The following SPATA22 variants were observed in gnomAD, a reference collection of about 807,000 sequenced individuals.
SPATA22 encodes the protein spermatogenesis-associated protein 22.
A neutral mutation model predicts 47.8 loss-of-function variants in SPATA22; 29 were observed. That is an observed-to-expected ratio of 0.61 (90% CI 0.45 to 0.83). The LOEUF is 0.83. Ranked by LOEUF, SPATA22 falls within the 40% of genes least tolerant of loss-of-function variation. The pLI is 0.00. For missense variants in SPATA22, 410 were observed against 421.7 expected (o/e 0.97, Z 0.24); for synonymous variants, 133 against 140.9 (o/e 0.94, Z 0.40).
upstream of SPATA22, chr17:3,476,046 A>G (rs534332079): frequency 6.2e-6 from 6 of 972,702 alleles, no homozygotes; most frequent in Admixed American, 1.2e-4. Flanking sequence ...GGAATTCTGT[A>G]CTTTGCCCTT....
At position 3,486,066 on chromosome 17, in the gene SPATA22, G is replaced by A. The variant is rs12602137; in HGVS notation, c.-73-16668C>T. Reference sequence around the variant, plus strand: ...TCCTGCCTCAGCCTCCTGAGTAGCTGGGATTACAGGTGCCCACCACCATAC... The same window carrying A: ...TCCTGCCTCAGCCTCCTGAGTAGCTAGGATTACAGGTGCCCACCACCATAC... On this transcript the variant is annotated intron_variant, in intron 1 of 8. Coordinates refer to the SPATA22 transcript ENST00000541913. Among the ~76,000 whole-genome samples the A allele has an allele frequency of 3.9e-5, 6 of 151,990 alleles. No individual in the cohort carries two copies. The East Asian group carries it at 1.2e-3, about 30-fold the overall frequency.
Position 3,494,470 on chromosome 17 carries a change from T to C in SPATA22, c.-74+18942A>G, listed in dbSNP as rs1260456020. On this transcript the variant is annotated intron_variant, in intron 1 of 8. Coordinates refer to the SPATA22 transcript ENST00000541913. ...CATCCTAATCTGCAGGTAACATTTGTTCTTTCTTTAAAATGTTGAAAATAA... is the reference window on the plus strand; with the variant it reads ...CATCCTAATCTGCAGGTAACATTTGCTCTTTCTTTAAAATGTTGAAAATAA... 76 of 1,579,626 alleles carry C rather than the reference T, an allele frequency of 4.8e-5. No homozygotes were observed. Among genetic ancestry groups the C allele is most frequent in the Non-Finnish European group, 6.4e-5 (74 of 1,148,686 alleles).
At chr17:3,445,675 C>T (rs369420763) in intron 7 of SPATA22, among the ~76,000 whole-genome samples, 7 of 152,102 alleles carry the variant, frequency 4.6e-5, no homozygotes, top group African/African-American at 1.7e-4. Flanking sequence ...AATCCAATGT[C>T]ACTTTATATA....
chr17:3,453,483 T>C (rs2072910831), intron 5 of SPATA22, among the ~76,000 whole-genome samples: 1 of 152,072 alleles, frequency 6.6e-6, no homozygotes, highest in South Asian at 2.1e-4. Flanking sequence ...AAAATAAGTA[T>C]AGAAGGAACA....
At chr17:3,487,924 C>A (rs1276722780) in intron 1 of SPATA22, among the ~76,000 whole-genome samples, 3 of 152,184 alleles carry the variant, frequency 2.0e-5, no homozygotes, top group Non-Finnish European at 4.4e-5. Flanking sequence ...TTGTGTAAGT[C>A]ATTTATGCAC....
rs1188346322 is a variant in SPATA22, at chr17:3,485,881, G to A, written c.-73-16483C>T. Among the ~76,000 whole-genome samples the A allele has an allele frequency of 4.0e-5, 6 of 151,662 alleles. No individual in the cohort carries two copies. The highest frequency in any genetic ancestry group is 1.5e-4 in the African/African-American group (6 of 41,308). ...GCTCCAGTTCCCACAGGGTGACATA[G>A]AGAGAGCCAGATGGCAGCTATCCAT... is the stretch of plus-strand genomic sequence containing the variant. On this transcript the variant is annotated intron_variant, in intron 1 of 8. Transcript: ENST00000541913. The surrounding 1 kb of genome is among the most constrained non-coding windows in gnomAD (Gnocchi z 4.4).
Position 3,467,554 on chromosome 17 carries a change from C to A in SPATA22, c.44G>T (p.Gly15Val). 6.2e-7 allele frequency: 1 copy of A among 1,600,538 alleles called. No individual in the cohort carries two copies. The highest frequency in any genetic ancestry group is 8.5e-7 in the Non-Finnish European group (1 of 1,174,182). ...ATTGAACAACGGAACAGGCAAACAG[C>A]CTAAATTGAATGTACCAATAAATTA... Reference protein sequence around the residue: ...LNENSARSTAGCLPVPLFNQK... With the variant: ...LNENSARSTAVCLPVPLFNQK... Residue 15 changes from glycine (G) to valine (V), a missense_variant and splice_region_variant, in exon 3 of 9, where the codon GGC becomes GTC. Gly to Val is a moderately radical substitution (Grantham distance 109). Transcript: ENST00000572969.
At position 3,485,027 on chromosome 17, in the gene SPATA22, GT is replaced by G. The variant is rs370054108; in HGVS notation, c.-73-15630del. On this transcript the variant is annotated intron_variant, in intron 1 of 8. Transcript: ENST00000541913. The surrounding 1 kb of genome is among the most constrained non-coding windows in gnomAD (Gnocchi z 4.4). ...ATCATTCACAGTAGGGTTTTGTTTT[GT>G]TTTTTTTCTGGAAAAGGGTCTCACT... Among the ~76,000 whole-genome samples the G allele has an allele frequency of 6.2e-4, 94 of 151,426 alleles. No individual in the cohort carries two copies. The highest frequency in any genetic ancestry group is 2.1e-3 in the African/African-American group (87 of 41,254).
chr17:3,493,548 G>A lies in SPATA22; in HGVS notation c.-74+19864C>T, dbSNP rs572164614. Among the ~76,000 whole-genome samples, 71 of 114,602 alleles carry A rather than the reference G, an allele frequency of 6.2e-4. 2 individuals are homozygous for A. In the South Asian group the frequency reaches 0.013, roughly 21 times the overall value. 75.2% of individuals were successfully genotyped at this position (114,602 alleles called of 152,430 possible). On this transcript the variant is annotated intron_variant, in intron 1 of 8. Transcript: ENST00000541913. ...TGCACTCCAGCCTGGGTGAAAGAGC[G>A]AGGTTCCATCTCAAAAAAAAAAAAA...
Position 3,469,414 on chromosome 17 carries a change from CTT to C in SPATA22, c.-73-18_-73-17del. On this transcript the variant is annotated splice_polypyrimidine_tract_variant and intron_variant, in intron 1 of 8. Transcript: ENST00000572969. The stretch of plus-strand genomic sequence containing the variant: ...CCCACTAGACCTGCAAAGAAAGAAA[CTT>C]ATAACTCGTATTGTCTCAACTATAA... The C allele has an allele frequency of 1.0e-6, 1 of 985,428 alleles. No individual in the cohort carries two copies. The highest frequency in any genetic ancestry group is 1.5e-6 in the Non-Finnish European group (1 of 665,982). The allele number at this position is 985,428 out of a possible 1,614,324, so 61.0% of individuals were successfully genotyped here. A position where few individuals can be genotyped will look rare whatever the true frequency, so the allele number is the denominator to read the frequency against.
chr17:3,486,432 T>G (rs2073723100), intron 1 of SPATA22, among the ~76,000 whole-genome samples: 2 of 152,208 alleles, frequency 1.3e-5, no homozygotes, highest in Admixed American at 1.3e-4. Context: ...ACATCCCTCT[T>G]ACCACCTGCT....
chr17:3,457,919 C>CT (rs1305694643), intron 5 of SPATA22, among the ~76,000 whole-genome samples: 4 of 152,004 alleles, frequency 2.6e-5, no homozygotes, highest in African/African-American at 4.8e-5. Flanking sequence ...TTGCAAATGA[C>CT]TTTTTTTAAT....
Position 3,491,745 on chromosome 17 carries a change from CAAAA to C in SPATA22, c.-74+21663_-74+21666del, listed in dbSNP as rs780884527. Among the ~76,000 whole-genome samples, 297 of 147,524 alleles carry C rather than the reference CAAAA, an allele frequency of 2.0e-3. 3 individuals are homozygous for C. The highest frequency in any genetic ancestry group is 5.9e-3 in the African/African-American group (231 of 39,436). Reference sequence around the variant, plus strand: ...CCTCGGTGACAGAGTGAGACTGTCTCAAAAAAAAAAAAGAAAGAAAGAAAGAAGT... The same window carrying C: ...CCTCGGTGACAGAGTGAGACTGTCTCAAAAAAAAGAAAGAAAGAAAGAAGT... On this transcript the variant is annotated intron_variant, in intron 1 of 8. Transcript: ENST00000541913.
intron 5 of SPATA22, among the ~76,000 whole-genome samples, chr17:3,452,617 G>A (rs1597393095): frequency 6.6e-6 from 1 of 151,866 alleles, no homozygotes; most frequent in East Asian, 1.9e-4. Flanking sequence ...AAAACTAAGA[G>A]CTTATTTTTT....
At chr17:3,450,331 G>A (rs1266177446) in intron 5 of SPATA22, among the ~76,000 whole-genome samples, 1 of 152,162 alleles carries the variant, frequency 6.6e-6, no homozygotes, top group East Asian at 1.9e-4. Context: ...GGGGAACACT[G>A]TTAATTGGGT....
chr17:3,465,223 C>T (rs2073269231), intron 3 of SPATA22, among the ~76,000 whole-genome samples: 1 of 113,106 alleles, frequency 8.8e-6, no homozygotes, highest in South Asian at 3.0e-4. Flanking sequence ...GCCCGGCCGC[C>T]CCTACTGGGA....
chr17:3,487,454 T>C (rs1280823110), intron 1 of SPATA22, among the ~76,000 whole-genome samples: 1 of 152,214 alleles, frequency 6.6e-6, no homozygotes, highest in Non-Finnish European at 1.5e-5. Flanking sequence ...GCCAAACATA[T>C]CAGCAATGTT....
intron 1 of SPATA22, among the ~76,000 whole-genome samples, chr17:3,492,303 T>C (rs1055441049): frequency 1.3e-5 from 2 of 152,236 alleles, no homozygotes; most frequent in African/African-American, 2.4e-5. Flanking sequence ...CAAACATAGA[T>C]GGAAGTTAGG....
At chr17:3,499,265 T>C (rs2073962196) in intron 1 of SPATA22, 1 of 545,226 alleles carries the variant, frequency 1.8e-6, no homozygotes, top group Non-Finnish European at 3.1e-6. Flanking sequence ...AAAGATATCA[T>C]ATTTTATGTA....
Sources: allele counts gnomAD v4.1 joint callset (sites outside exome capture counted in the v4.1 genomes callset), GRCh38; gene constraint gnomAD v4.1.1; non-coding constraint Gnocchi (gnomAD v3.1); transcripts MANE v1.5; gene names NCBI Gene and HGNC (gene_info 2026-07-23, HGNC 2026-07-21).